Variants in KSR1 observed in about 807,000 individuals in gnomAD.
KSR1 encodes kinase suppressor of ras.
In KSR1, 35 loss-of-function variants were observed where a neutral mutation model predicts 92.9. The ratio of observed to expected loss-of-function variants is 0.38; its 90% CI spans 0.29 to 0.50. The LOEUF is 0.50. Ranked by LOEUF, KSR1 falls within the 20% of genes least tolerant of loss-of-function variation. The pLI is 0.94. For synonymous variants in KSR1, 467 were observed against 472.6 expected (o/e 0.99, Z 0.15); for missense variants, 972 against 1,158.5 (o/e 0.84, Z 2.34).
rs776693370 is a variant in KSR1, at chr17:27,605,770, A to G, written c.1951A>G (p.Met651Val). 1 of 1,612,712 alleles carries G rather than the reference A, an allele frequency of 6.2e-7. No homozygotes were observed. Among genetic ancestry groups the G allele is most frequent in the Non-Finnish European group, 8.5e-7 (1 of 1,179,826 alleles). The part of the protein sequence containing the change: ...QTRHENVVLF[M>V]GACMNPPHLA... ...GCGGCATGAGAACGTGGTGCTCTTCATGGGGGCCTGCATGAACCCGCCCCA... is the reference window on the plus strand; with the variant it reads ...GCGGCATGAGAACGTGGTGCTCTTCGTGGGGGCCTGCATGAACCCGCCCCA... Residue 651 changes from methionine (M) to valine (V), a missense_variant, in exon 14 of 21, where the codon ATG becomes GTG. Physicochemically the swap from Met to Val is conservative, Grantham distance 21 (BLOSUM62 1). This residue lies in a region of KSR1 where 260 missense variants were observed against 375.2 expected (regional missense o/e 0.69). Transcript: ENST00000644974.
At chr17:27,481,353 T>A (rs955014552) in intron 1 of KSR1, among the ~76,000 whole-genome samples, 2 of 152,234 alleles carry the variant, frequency 1.3e-5, no homozygotes, top group Admixed American at 6.5e-5. Context: ...GTGAGGGAAT[T>A]GGACTGGCTG....
At position 27,581,099 on chromosome 17, in the gene KSR1, AG is replaced by A. The variant is rs1274888159; in HGVS notation, c.521-1545del. On this transcript the variant is annotated intron_variant, in intron 3 of 20. Transcript: ENST00000644974. ...AGCATAGCAGCTTCTGGTTCTGGAG[AG>A]GCATCGGGAAGGCTCCAGGCATAGC... Among the ~76,000 whole-genome samples, 12 of 152,200 alleles carry A rather than the reference AG, an allele frequency of 7.9e-5. No individual in the cohort carries two copies. The East Asian group carries it at 2.3e-3, about 29-fold the overall frequency.
chr17:27,554,371 T>C (rs2071513843), intron 2 of KSR1, among the ~76,000 whole-genome samples: 1 of 152,216 alleles, frequency 6.6e-6, no homozygotes, highest in African/African-American at 2.4e-5. Flanking sequence ...ACCGGTCCAC[T>C]TGGCCTCTTA....
At chr17:27,470,240 G>GT (rs546302787) in intron 1 of KSR1, among the ~76,000 whole-genome samples, 5,215 of 114,380 alleles carry the variant, frequency 0.046, 409 homozygotes, top group African/African-American at 0.14. Context: ...TTTTGTTTGT[G>GT]TTTTTTTTTT....
chr17:27,462,299 G>A (rs2019485366), intron 1 of KSR1, among the ~76,000 whole-genome samples: 1 of 152,232 alleles, frequency 6.6e-6, no homozygotes, highest in African/African-American at 2.4e-5. Flanking sequence ...GAGAACTTAT[G>A]TTCAGAACTC....
At position 27,626,275 on chromosome 17, in the gene KSR1, T is replaced by C. The variant is rs1320241681; in HGVS notation, c.*2883T>C. ...TACAGTAAAGTTTTTATATTTTCTA[T>C]CAACTACATTTGTCTTCCAGACATG... On this transcript the variant is annotated 3_prime_UTR_variant, in exon 21 of 21. Coordinates refer to ENST00000644974, the MANE Select transcript of KSR1 (RefSeq NM_001394583.1). 2 of 152,270 alleles carry C rather than the reference T, an allele frequency of 1.3e-5. No individual in the cohort carries two copies. Among genetic ancestry groups the C allele is most frequent in the Admixed American group, 1.3e-4 (2 of 15,286 alleles). The allele number at this position is 152,270 out of a possible 1,614,324, so 9.4% of individuals were successfully genotyped here.
chr17:27,540,058 C>T (rs192502865), intron 1 of KSR1, among the ~76,000 whole-genome samples: 1 of 152,244 alleles, frequency 6.6e-6, no homozygotes, highest in Non-Finnish European at 1.5e-5. Context: ...CAGGAAGCAT[C>T]ATGGGTGCTT....
chr17:27,596,586 G>C (rs943878032), intron 9 of KSR1, among the ~76,000 whole-genome samples: 1 of 152,184 alleles, frequency 6.6e-6, no homozygotes, highest in Non-Finnish European at 1.5e-5. Flanking sequence ...TCTAGCTCCA[G>C]AATTCTTACC....
chr17:27,595,174 A>G (rs2073298237), intron 9 of KSR1, among the ~76,000 whole-genome samples: 1 of 152,144 alleles, frequency 6.6e-6, no homozygotes, highest in East Asian at 1.9e-4. Context: ...TTCTTTAACC[A>G]ATAATTCCTC....
intron 1 of KSR1, among the ~76,000 whole-genome samples, chr17:27,525,692 T>C (rs1432065046): frequency 6.6e-6 from 1 of 152,230 alleles, no homozygotes; most frequent in Non-Finnish European, 1.5e-5. Flanking sequence ...AGAGGTTCTC[T>C]CTAAACCTTA....
chr17:27,600,482 A>G (rs1334903783), intron 10 of KSR1, among the ~76,000 whole-genome samples: 2 of 152,170 alleles, frequency 1.3e-5, no homozygotes, highest in South Asian at 2.1e-4. Flanking sequence ...AAAATGATTA[A>G]AAGTACAATA....
intron 19 of KSR1, 108 bp downstream of exon 19, chr17:27,617,536 G>GTT: frequency 3.8e-6 from 5 of 1,320,718 alleles, no homozygotes; most frequent in Non-Finnish European, 5.1e-6. Context: ...GTTTTTTGGG[G>GTT]TTTTTTTTGA....
chr17:27,490,340 G>T (rs1325118403), intron 1 of KSR1, among the ~76,000 whole-genome samples: 1 of 152,180 alleles, frequency 6.6e-6, no homozygotes, highest in Non-Finnish European at 1.5e-5. Context: ...AGGTTTTGTT[G>T]TAAAATTATG....
chr17:27,558,164 G>A (rs929951488), intron 2 of KSR1: 4 of 152,502 alleles, frequency 2.6e-5, no homozygotes, highest in South Asian at 2.1e-4. Flanking sequence ...CTTCCACTTC[G>A]CGGGGATAAC....
chr17:27,621,032 A>G (rs1243377738), intron 19 of KSR1, 161 bp from the exon 20 acceptor site: 4 of 395,048 alleles, frequency 1.0e-5, no homozygotes, highest in African/African-American at 8.3e-5. Context: ...TGATCTTGTC[A>G]CTTTTTTATT....
At chr17:27,553,463 G>C (rs528999374) in intron 2 of KSR1, among the ~76,000 whole-genome samples, 1 of 152,286 alleles carries the variant, frequency 6.6e-6, no homozygotes, top group South Asian at 2.1e-4. Flanking sequence ...ACAGAGCTGG[G>C]CCAAGTGTCC....
intron 20 of KSR1, chr17:27,622,082 T>C (rs1344099972): frequency 2.7e-6 from 2 of 738,704 alleles, no homozygotes; most frequent in Non-Finnish European, 4.6e-6. Context: ...TCGAGGCTAC[T>C]TCTTTTGCTT....
intron 1 of KSR1, among the ~76,000 whole-genome samples, chr17:27,516,546 T>C (rs1489795178): frequency 1.3e-5 from 2 of 152,012 alleles, no homozygotes; most frequent in African/African-American, 4.8e-5. Flanking sequence ...TTTCATCCTT[T>C]CTTCCTTCCA....
chr17:27,514,572 A>G (rs531790482), intron 1 of KSR1, among the ~76,000 whole-genome samples: 3 of 152,066 alleles, frequency 2.0e-5, no homozygotes, highest in African/African-American at 7.2e-5. Context: ...AGGCAGGAGA[A>G]TCCCTTGAAC....
Sources: allele counts gnomAD v4.1 joint callset (sites outside exome capture counted in the v4.1 genomes callset), GRCh38; gene constraint gnomAD v4.1.1; regional missense constraint gnomAD v4.1.1; transcripts MANE v1.5; gene names NCBI Gene and HGNC (gene_info 2026-07-23, HGNC 2026-07-21).